The following SFI1 variants were observed in gnomAD, a reference collection of about 807,000 sequenced individuals.
The protein encoded by SFI1 is protein SFI1 homolog.
A neutral mutation model predicts 207.5 loss-of-function variants in SFI1; 195 were observed. That is an observed-to-expected ratio of 0.94 (90% CI 0.84 to 1.06). The LOEUF (loss-of-function observed/expected upper bound fraction) is 1.06, where lower values mean the gene tolerates loss of function less well. SFI1 is among the 50% of genes least tolerant of loss of function. SFI1 has a pLI of 0.00. For synonymous variants in SFI1, 630 were observed against 598.9 expected (o/e 1.05, Z -0.76); for missense variants, 1,634 against 1,588.0 (o/e 1.03, Z -0.49).
At chr22:31,504,346 A>G (rs2085396034) in intron 1 of SFI1, among the ~76,000 whole-genome samples, 1 of 152,186 alleles carries the variant, frequency 6.6e-6, no homozygotes, top group South Asian at 2.1e-4. Context: ...AAACTAGGAC[A>G]TCGGTTTGAT....
Position 31,604,675 on chromosome 22 carries a change from A to T in SFI1, c.1978-194A>T. On this transcript the variant is annotated intron_variant, in intron 19 of 32. Coordinates refer to ENST00000400288, the MANE Select transcript of SFI1 (RefSeq NM_001007467.3). ...GTCCCATGGTTTGACTTAGGAGGTG[A>T]GGGCCTGTGAGACAGTTTCTCCCTG... The T allele has an allele frequency of 1.3e-5, 8 of 594,388 alleles. 1 individual carries two copies. In the South Asian group the frequency reaches 1.5e-4, roughly 11 times the overall value. The allele number at this position is 594,388 out of a possible 1,614,324, so 36.8% of individuals were successfully genotyped here.
chr22:31,529,157 C>CT (rs569064283), intron 3 of SFI1: 3,305 of 299,928 alleles, frequency 0.011, 23 homozygotes, highest in Middle Eastern at 0.018. Flanking sequence ...TTTTGCTATT[C>CT]TTTTTTTCCC....
chr22:31,549,123 C>A (rs1203201098), intron 5 of SFI1, among the ~76,000 whole-genome samples: 1 of 150,734 alleles, frequency 6.6e-6, no homozygotes, highest in East Asian at 2.0e-4. Flanking sequence ...TCCCCCTCTA[C>A]AAAAAAATAC....
chr22:31,596,732 C>T (rs771725361), intron 15 of SFI1, among the ~76,000 whole-genome samples: 22 of 144,624 alleles, frequency 1.5e-4, no homozygotes, highest in Non-Finnish European at 3.0e-4. Flanking sequence ...TGCAGTGAGC[C>T]GAGATCGCAC....
chr22:31,508,855 G>C (rs1250253642), intron 2 of SFI1, among the ~76,000 whole-genome samples: 1 of 152,100 alleles, frequency 6.6e-6, no homozygotes. Flanking sequence ...TACCACCTTA[G>C]CTTCTACTGG....
At chr22:31,573,509 C>T (rs56137806) in intron 9 of SFI1, among the ~76,000 whole-genome samples, 3 of 151,080 alleles carry the variant, frequency 2.0e-5, no homozygotes, top group Admixed American at 6.6e-5. Context: ...GCAATCTCGG[C>T]TCACTGCAAC....
rs2063118812 is a variant in SFI1, at chr22:31,573,066, A to G, written c.774A>G (p.Ser258=). The change falls in exon 9 of 33, where the codon TCA becomes TCG. Residue 258 remains serine (S), a synonymous_variant. Coordinates refer to ENST00000400288, the MANE Select transcript of SFI1 (RefSeq NM_001007467.3). ...RALSLQVQAW[S]QWREQLLYVQ... is the part of the protein sequence containing the mutation. Reference sequence around the variant, plus strand: ...TCTTCTCTGGTTTTCAGGCTTGGTCACAGTGGCGGGAACAGCTCCTGTATG... The same window carrying G: ...TCTTCTCTGGTTTTCAGGCTTGGTCGCAGTGGCGGGAACAGCTCCTGTATG... The G allele has an allele frequency of 1.2e-6, 2 of 1,612,626 alleles. No individual in the cohort carries two copies. The highest frequency in any genetic ancestry group is 1.7e-6 in the Non-Finnish European group (2 of 1,179,000).
intron 4 of SFI1, among the ~76,000 whole-genome samples, chr22:31,542,819 G>C (rs938788296): frequency 6.6e-6 from 1 of 150,866 alleles, no homozygotes; most frequent in South Asian, 2.1e-4. Flanking sequence ...GCACCACAAC[G>C]CCCAGCTAAT....
At chr22:31,579,226 C>T (rs1353578212) in intron 11 of SFI1, among the ~76,000 whole-genome samples, 1 of 152,052 alleles carries the variant, frequency 6.6e-6, no homozygotes, top group Non-Finnish European at 1.5e-5. Flanking sequence ...TTGCTGCAGC[C>T]TTGAACTCCT....
intron 12 of SFI1, among the ~76,000 whole-genome samples, chr22:31,581,806 C>T (rs890666971): frequency 2.2e-4 from 34 of 152,072 alleles, no homozygotes; most frequent in Admixed American, 2.0e-3. Context: ...TAGTCACTAC[C>T]TGGATATAGT....
chr22:31,529,245 T>C (rs2058232556), intron 3 of SFI1, among the ~76,000 whole-genome samples: 1 of 152,198 alleles, frequency 6.6e-6, no homozygotes. Flanking sequence ...GACATCTGTT[T>C]CTTCATTCAA....
At chr22:31,559,513 C>A in intron 7 of SFI1, 1 of 537,844 alleles carries the variant, frequency 1.9e-6, no homozygotes, top group Non-Finnish European at 3.5e-6. Context: ...AAAGTTCCAG[C>A]GTATTTTGCG....
rs1332711782 is a variant in SFI1, at chr22:31,608,032, G to T, written c.2253G>T (p.Arg751Ser). 6.2e-7 allele frequency: 1 copy of T among 1,613,608 alleles called. No individual in the cohort carries two copies. Among genetic ancestry groups the T allele is most frequent in the African/African-American group, 1.3e-5 (1 of 75,034 alleles). Reference protein sequence around the residue: ...AIWEAQKVLDRGCLRTWFQRW... With the variant: ...AIWEAQKVLDSGCLRTWFQRW... ...GGGAGGCCCAGAAGGTGCTGGACAG[G>T]GGTAAGTGGGGCCCCAGAAGCAAGT... The change falls in exon 22 of 33, where the codon AGG (arginine) becomes AGT (serine). Residue 751 changes from arginine (R) to serine (S), a missense_variant and splice_region_variant. By Grantham distance (110) the Arg-to-Ser change is moderately radical. Coordinates refer to ENST00000400288, the MANE Select transcript of SFI1 (RefSeq NM_001007467.3).
At chr22:31,543,765 G>A (rs1361583999) in intron 4 of SFI1, among the ~76,000 whole-genome samples, 3 of 149,540 alleles carry the variant, frequency 2.0e-5, no homozygotes, top group Admixed American at 6.7e-5. Context: ...AGCCAAGATC[G>A]CGCCACTGCA....
At chr22:31,569,279 C>T (rs556205757) in intron 8 of SFI1, among the ~76,000 whole-genome samples, 116 of 152,238 alleles carry the variant, frequency 7.6e-4, no homozygotes, top group East Asian at 4.1e-3. Flanking sequence ...TCTGAATCCA[C>T]CAAACAATCT....
intron 4 of SFI1, 42 bp from the exon 5 acceptor site, chr22:31,546,819 C>T: frequency 2.2e-6 from 3 of 1,349,072 alleles, no homozygotes; most frequent in Non-Finnish European, 3.1e-6. Flanking sequence ...GATGTTAGCT[C>T]CAACATCATC....
chr22:31,547,012 C>A, intron 5 of SFI1, 41 bp downstream of exon 5: 1 of 1,323,082 alleles, frequency 7.6e-7, no homozygotes, highest in Non-Finnish European at 1.1e-6. Context: ...TACTGATGCA[C>A]ATTATCAGAT....
chr22:31,566,932 G>A (rs1023653898), intron 8 of SFI1, among the ~76,000 whole-genome samples: 10 of 151,732 alleles, frequency 6.6e-5, no homozygotes, highest in African/African-American at 2.4e-4. Context: ...TTTGAGACAT[G>A]TCTCACTCTG....
At chr22:31,598,604 A>T (rs1479549053) in intron 15 of SFI1, among the ~76,000 whole-genome samples, 1 of 146,990 alleles carries the variant, frequency 6.8e-6, no homozygotes, top group African/African-American at 2.5e-5. Context: ...TATTTTTAGT[A>T]GAGACGGGGT....
Sources: gnomAD v4.1 joint callset for allele counts (sites outside exome capture counted in the v4.1 genomes callset) on GRCh38, gnomAD v4.1.1 for gene constraint, MANE v1.5 for transcripts, NCBI Gene and HGNC (gene_info 2026-07-23, HGNC 2026-07-21) for gene names.